The following SWAP70 variants were observed in gnomAD, a reference collection of about 807,000 sequenced individuals.
SWAP70 encodes the protein switch-associated protein 70.
Under a neutral mutation model 80.2 loss-of-function variants are expected in SWAP70, and 34 were observed. That is an observed-to-expected ratio of 0.42 (90% confidence interval 0.32 to 0.56). SWAP70 has a LOEUF of 0.56. Ranked by LOEUF, SWAP70 falls within the 20% of genes least tolerant of loss-of-function variation. SWAP70 has a pLI of 0.09. For synonymous variants in SWAP70, 239 were observed against 238.5 expected (o/e 1.00, Z -0.02); for missense variants, 578 against 690.7 (o/e 0.84, Z 1.83).
At chr11:9,725,552 TATATA>T (rs1851204392) in intron 4 of SWAP70, among the ~76,000 whole-genome samples, 1 of 10,226 alleles carries the variant, frequency 9.8e-5, no homozygotes, top group African/African-American at 3.0e-4. Context: ...TATATATATA[TATATA>T]TATATATATA....
At chr11:9,742,884 C>CT (rs56710904) in intron 9 of SWAP70, among the ~76,000 whole-genome samples, 73,145 of 140,528 alleles carry the variant, frequency 0.52, 19,295 homozygotes, top group Middle Eastern at 0.7. Flanking sequence ...CTTCTCACTC[C>CT]TTTTTTTTTT....
At chr11:9,676,896 G>A (rs1565112389) in intron 1 of SWAP70, among the ~76,000 whole-genome samples, 2 of 151,930 alleles carry the variant, frequency 1.3e-5, no homozygotes, top group South Asian at 2.1e-4. Context: ...CTCGTGATCC[G>A]CCTGCCTCGG....
chr11:9,722,667 G>A (rs1486234481), intron 3 of SWAP70, among the ~76,000 whole-genome samples: 2 of 152,166 alleles, frequency 1.3e-5, no homozygotes, highest in African/African-American at 2.4e-5. Flanking sequence ...TGGGTCGAGA[G>A]GTGGGAAAAG....
chr11:9,682,554 T>C (rs1291945099), intron 1 of SWAP70, among the ~76,000 whole-genome samples: 1 of 152,238 alleles, frequency 6.6e-6, no homozygotes, highest in East Asian at 1.9e-4. Context: ...AGAGATGACT[T>C]AAGGTTGTCA....
At chr11:9,734,964 GGT>G (rs982465902) in intron 7 of SWAP70, among the ~76,000 whole-genome samples, 5 of 152,010 alleles carry the variant, frequency 3.3e-5, no homozygotes, top group African/African-American at 1.2e-4. Flanking sequence ...CATATCTGTG[GGT>G]TTCTTAAAAT....
intron 3 of SWAP70, among the ~76,000 whole-genome samples, chr11:9,722,225 G>A (rs1374900501): frequency 7.1e-6 from 1 of 140,586 alleles, no homozygotes; most frequent in Non-Finnish European, 1.6e-5. Context: ...TTTCATAGAT[G>A]AGAAAATTAA....
intron 3 of SWAP70, among the ~76,000 whole-genome samples, chr11:9,722,931 C>A (rs1851158550): frequency 6.6e-6 from 1 of 152,162 alleles, no homozygotes; most frequent in Non-Finnish European, 1.5e-5. Context: ...TACTGTTCAA[C>A]CCTTTACAGT....
intron 6 of SWAP70, among the ~76,000 whole-genome samples, chr11:9,731,688 G>A (rs1851300571): frequency 6.6e-6 from 1 of 152,170 alleles, no homozygotes; most frequent in Admixed American, 6.5e-5. Context: ...GGTCAGAAGA[G>A]TGTGTTGTGC....
At chr11:9,724,467 G>T in intron 3 of SWAP70, among the ~76,000 whole-genome samples, 191 bp from the exon 4 acceptor site, 1 of 152,054 alleles carries the variant, frequency 6.6e-6, no homozygotes, top group East Asian at 1.9e-4. Context: ...TACTTATTCT[G>T]CACTAATACA....
intron 1 of SWAP70, among the ~76,000 whole-genome samples, chr11:9,688,604 C>T (rs1850659631): frequency 6.6e-6 from 1 of 152,062 alleles, no homozygotes; most frequent in African/African-American, 2.4e-5. Flanking sequence ...TCACATATTT[C>T]CTTAGCTTTT....
At chr11:9,718,283 T>G (rs581004) in intron 3 of SWAP70, among the ~76,000 whole-genome samples, 48,289 of 152,102 alleles carry the variant, frequency 0.32, 7,930 homozygotes, top group Non-Finnish European at 0.34. Flanking sequence ...GAAGTAGAAT[T>G]TGAGTTAGTT....
At chr11:9,672,949 C>T (rs1244964297) in intron 1 of SWAP70, among the ~76,000 whole-genome samples, 1 of 152,026 alleles carries the variant, frequency 6.6e-6, no homozygotes, top group Non-Finnish European at 1.5e-5. Context: ...GTTTTTTTCT[C>T]TGCTCTCACA....
chr11:9,707,138 A>G (rs74550516), intron 2 of SWAP70, among the ~76,000 whole-genome samples: 3,596 of 152,254 alleles, frequency 0.024, 115 homozygotes, highest in East Asian at 0.16. Context: ...TTCTATGAAA[A>G]CTATAGATTT....
At chr11:9,693,188 A>G (rs1434165122) in intron 1 of SWAP70, among the ~76,000 whole-genome samples, 1 of 152,240 alleles carries the variant, frequency 6.6e-6, no homozygotes, top group Non-Finnish European at 1.5e-5. Context: ...GGGTTCAACT[A>G]GGAAGATTCT....
At chr11:9,740,669 T>C (rs758289495) in intron 9 of SWAP70, 6 of 377,246 alleles carry the variant, frequency 1.6e-5, no homozygotes, top group Non-Finnish European at 3.0e-5. Flanking sequence ...GATAAGAGCT[T>C]GGCATCTTCA....
At chr11:9,724,301 G>T (rs1851178607) in intron 3 of SWAP70, among the ~76,000 whole-genome samples, 1 of 152,202 alleles carries the variant, frequency 6.6e-6, no homozygotes, top group Admixed American at 6.5e-5. Context: ...GCGCTTGTTT[G>T]TTGAGTAAGA....
intron 5 of SWAP70, 53 bp from the exon 6 acceptor site, chr11:9,729,290 A>G (rs1373612553): frequency 2.8e-6 from 3 of 1,089,512 alleles, no homozygotes; most frequent in Non-Finnish European, 4.1e-6. Context: ...TTCAAATTGA[A>G]TTTCATTTAA....
At chr11:9,676,918 G>T (rs1481157367) in intron 1 of SWAP70, among the ~76,000 whole-genome samples, 2 of 152,182 alleles carry the variant, frequency 1.3e-5, no homozygotes, top group South Asian at 2.1e-4. Context: ...CTCCCAAAGT[G>T]CTGGGATTAC....
In SWAP70 at chr11:9,717,539, G is replaced by C. The variant is rs1343925761; in HGVS notation, c.414+3900G>C. 3.3e-5 allele frequency among the ~76,000 whole-genome samples: 5 copies of C among 152,154 alleles called. No individual in the cohort carries two copies. In the East Asian group the frequency reaches 9.7e-4, roughly 29 times the overall value. ...TGTCCCAGCCACTTGGGAGGCTTAG[G>C]TGGGAGGATGGCTTGAGTCTGAAAG... is the stretch of plus-strand genomic sequence containing the variant. On this transcript the variant is annotated intron_variant, in intron 3 of 11. Transcript: ENST00000318950.
Sources: gnomAD v4.1 joint callset for allele counts (sites outside exome capture counted in the v4.1 genomes callset) on GRCh38, gnomAD v4.1.1 for gene constraint, MANE v1.5 for transcripts, NCBI Gene and HGNC (gene_info 2026-07-23, HGNC 2026-07-21) for gene names.